The following SULF2 variants were observed in gnomAD, a reference collection of about 807,000 sequenced individuals.
SULF2 encodes the protein sulfatase 2.
SULF2 carries 52 observed loss-of-function variants against 107.7 expected under a neutral mutation model. The ratio of observed to expected loss-of-function variants is 0.48; its 90% CI spans 0.39 to 0.61. The LOEUF is 0.61. Among genes scored for constraint, SULF2 ranks in the 20% least tolerant of loss-of-function variants. The pLI, the probability that SULF2 is intolerant of heterozygous loss-of-function variation, is 0.00. For missense variants in SULF2, 993 were observed against 1,177.3 expected, an observed-to-expected ratio of 0.84 and a Z score of 2.29; for synonymous variants, 460 against 464.3, an observed-to-expected ratio of 0.99 and a Z score of 0.12.
intron 3 of SULF2, among the ~76,000 whole-genome samples, chr20:47,736,238 C>G (rs990401840): frequency 4.6e-5 from 7 of 152,158 alleles, no homozygotes; most frequent in Admixed American, 4.6e-4. Context: ...GTTTCTGCAC[C>G]ACCTTGGTTA....
intron 1 of SULF2, among the ~76,000 whole-genome samples, chr20:47,764,586 C>T (rs1461082185): frequency 6.6e-6 from 1 of 152,134 alleles, no homozygotes; most frequent in Non-Finnish European, 1.5e-5. Flanking sequence ...AGAGGGAGTC[C>T]TGGAGGCTGG....
intron 18 of SULF2, 109 bp downstream of exon 18, chr20:47,661,664 C>T (rs1489208662): frequency 4.1e-6 from 5 of 1,223,796 alleles, no homozygotes; most frequent in Non-Finnish European, 5.4e-6. Flanking sequence ...TGTATCACCT[C>T]CCAAAGCCTG....
intron 5 of SULF2, among the ~76,000 whole-genome samples, chr20:47,689,117 C>G (rs1238324381): frequency 6.6e-6 from 1 of 152,138 alleles, no homozygotes; most frequent in Non-Finnish European, 1.5e-5. Context: ...CCACTTAGAG[C>G]TGGGTGACCT....
At chr20:47,730,000 G>A (rs1408132642) in intron 3 of SULF2, among the ~76,000 whole-genome samples, 2 of 152,214 alleles carry the variant, frequency 1.3e-5, no homozygotes, top group East Asian at 1.9e-4. Context: ...GCGATGGGGT[G>A]CCCCAAGTGT....
intron 4 of SULF2, among the ~76,000 whole-genome samples, chr20:47,690,791 C>T (rs575674275): frequency 7.3e-5 from 11 of 150,818 alleles, no homozygotes; most frequent in Admixed American, 6.0e-4. Flanking sequence ...ATCGCTTGAA[C>T]ACAGGAGGTG....
chr20:47,700,692 C>T (rs1363523497), intron 4 of SULF2, among the ~76,000 whole-genome samples: 1 of 141,816 alleles, frequency 7.1e-6, no homozygotes, highest in East Asian at 2.1e-4. Context: ...GTCTCCCAGG[C>T]TGGAGAGCAG....
Position 47,678,492 on chromosome 20 carries a change from A to G in SULF2, c.1193+184T>C. 2 of 785,850 alleles carry G rather than the reference A, an allele frequency of 2.5e-6. No homozygotes were observed. Among genetic ancestry groups the G allele is most frequent in the Non-Finnish European group, 4.1e-6 (2 of 489,024 alleles). The allele number at this position is 785,850 out of a possible 1,614,324, so 48.7% of individuals were successfully genotyped here. A position where few individuals can be genotyped will look rare whatever the true frequency, so the allele number is the denominator to read the frequency against. ...CCTTGGCCACATTCCAGATGGGAAG[A>G]CAGAATCTCGGAGAGGGGACCATGC... On this transcript the variant is annotated intron_variant, in intron 8 of 20. Coordinates refer to ENST00000688720, the MANE Select transcript of SULF2 (RefSeq NM_001387048.1). The surrounding 1 kb of genome is among the most constrained non-coding windows in gnomAD (Gnocchi z 4.5).
intron 10 of SULF2, among the ~76,000 whole-genome samples, chr20:47,674,922 C>T (rs977550397): frequency 2.6e-5 from 4 of 152,200 alleles, no homozygotes; most frequent in Admixed American, 6.5e-5. Flanking sequence ...CCCAAAGCTC[C>T]GGGGCTGGGT....
intron 2 of SULF2, among the ~76,000 whole-genome samples, chr20:47,754,115 G>A (rs1287870455): frequency 6.6e-6 from 1 of 152,110 alleles, no homozygotes; most frequent in Non-Finnish European, 1.5e-5. Context: ...GAATATACGT[G>A]GTACAGCCCC....
At chr20:47,683,258 G>T (rs2087889428) in intron 6 of SULF2, 89 bp from the exon 7 acceptor site, 2 of 1,327,206 alleles carry the variant, frequency 1.5e-6, no homozygotes, top group Non-Finnish European at 1.0e-6. Flanking sequence ...GAGATCTCAG[G>T]CCCCGTCCCT....
upstream of SULF2, chr20:47,786,020 T>C (rs2090926995): frequency 6.6e-6 from 1 of 151,888 alleles, no homozygotes; most frequent in Non-Finnish European, 1.5e-5. Flanking sequence ...GCGCGCACCC[T>C]CGCCGGGACA....
At chr20:47,659,990 C>T (rs113837275) in intron 18 of SULF2, among the ~76,000 whole-genome samples, 153 of 152,262 alleles carry the variant, frequency 1.0e-3, no homozygotes, top group African/African-American at 3.2e-3. Flanking sequence ...CTTCATTCAG[C>T]GCTGACCTTA....
rs747632020 is a variant in SULF2 at position 47,733,266 on chromosome 20, G to A, written c.415+3437C>T. On this transcript the variant is annotated intron_variant, in intron 3 of 20. Coordinates refer to ENST00000688720, the MANE Select transcript of SULF2 (RefSeq NM_001387048.1). ...TTCACAGGGGAAGATTCAGATGTCA[G>A]AGAATTAGGAGAGGCCCTTGAAAAA... Among the ~76,000 whole-genome samples the A allele has an allele frequency of 3.9e-5, 6 of 152,222 alleles. No individual in the cohort carries two copies. The South Asian group carries it at 6.2e-4, about 16-fold the overall frequency.
At chr20:47,713,135 GC>G (rs2088990878) in intron 3 of SULF2, among the ~76,000 whole-genome samples, 1 of 152,174 alleles carries the variant, frequency 6.6e-6, no homozygotes, top group East Asian at 1.9e-4. Context: ...GGTCAACGGA[GC>G]AGGCAGGGCT....
intron 2 of SULF2, among the ~76,000 whole-genome samples, chr20:47,743,882 C>T (rs1324960749): frequency 6.6e-6 from 1 of 152,208 alleles, no homozygotes; most frequent in Non-Finnish European, 1.5e-5. Flanking sequence ...ACCTGCCACT[C>T]CTCAGCCCAG....
intron 3 of SULF2, among the ~76,000 whole-genome samples, chr20:47,725,829 G>A (rs994527326): frequency 7.2e-5 from 11 of 152,158 alleles, no homozygotes; most frequent in African/African-American, 1.7e-4. Context: ...CCCCGCTCCC[G>A]GCCTCGGTGT....
intron 5 of SULF2, among the ~76,000 whole-genome samples, chr20:47,687,683 CTG>C (rs10555396): frequency 0.37 from 55,424 of 150,560 alleles, 10,790 homozygotes; most frequent in Middle Eastern, 0.51. Context: ...GTGTCTGTAA[CTG>C]TGTATTTTTG....
chr20:47,768,930 G>C (rs1383033367), intron 1 of SULF2, among the ~76,000 whole-genome samples: 2 of 149,024 alleles, frequency 1.3e-5, no homozygotes, highest in African/African-American at 4.9e-5. Flanking sequence ...ATCCAGGCTG[G>C]AGTACAGTGG....
At chr20:47,696,214 C>G (rs1386580612) in intron 4 of SULF2, among the ~76,000 whole-genome samples, 1 of 152,166 alleles carries the variant, frequency 6.6e-6, no homozygotes, top group African/African-American at 2.4e-5. Flanking sequence ...CAGTATATAC[C>G]TCACAGACTA....
Sources: gnomAD v4.1 joint callset for allele counts (sites outside exome capture counted in the v4.1 genomes callset) on GRCh38, gnomAD v4.1.1 for gene constraint, Gnocchi (gnomAD v3.1) non-coding constraint, MANE v1.5 for transcripts, NCBI Gene and HGNC (gene_info 2026-07-23, HGNC 2026-07-21) for gene names.